Variants in MGAT5 observed in about 807,000 individuals in gnomAD.
MGAT5 encodes alpha-1,6-mannosylglycoprotein 6-beta-N-acetylglucosaminyltransferase A.
A neutral mutation model predicts 94.3 loss-of-function variants in MGAT5; 30 were observed. The ratio of observed to expected loss-of-function variants is 0.32; its 90% CI spans 0.24 to 0.43. MGAT5 has a LOEUF of 0.43. MGAT5 is among the 20% of genes least tolerant of loss of function. The pLI is 1.00. For missense variants in MGAT5, 691 were observed against 905.5 expected (o/e 0.76, Z 3.04); for synonymous variants, 310 against 322.9 (o/e 0.96, Z 0.43).
intron 9 of MGAT5, among the ~76,000 whole-genome samples, chr2:134,356,729 C>T (rs937382831): frequency 6.6e-6 from 1 of 152,138 alleles, no homozygotes; most frequent in Non-Finnish European, 1.5e-5. Context: ...GCTCATTTCT[C>T]TCTACTTCCT....
intron 14 of MGAT5, among the ~76,000 whole-genome samples, chr2:134,440,932 T>C (rs991940379): frequency 3.3e-5 from 5 of 152,268 alleles, no homozygotes; most frequent in Non-Finnish European, 5.9e-5. Flanking sequence ...ATAGCTCACA[T>C]TTGTTTCAAT....
intron 1 of MGAT5, among the ~76,000 whole-genome samples, chr2:134,189,592 G>GTTTTTTTTTGTTTTTTT (rs1689221237): frequency 8.9e-5 from 5 of 56,314 alleles, no homozygotes; most frequent in East Asian, 4.8e-4. Context: ...CATGGCTCTA[G>GTTTTTTTTTGTTTTTTT]TTTTTTTTTG....
intron 1 of MGAT5, among the ~76,000 whole-genome samples, chr2:134,180,541 G>A (rs1290764684): frequency 3.9e-5 from 6 of 152,176 alleles, no homozygotes; most frequent in Admixed American, 3.9e-4. Context: ...TGAGGTCTTG[G>A]AAGGCTGTGA....
At chr2:134,259,151 G>C (rs1191061808) in intron 1 of MGAT5, among the ~76,000 whole-genome samples, 1 of 152,222 alleles carries the variant, frequency 6.6e-6, no homozygotes, top group African/African-American at 2.4e-5. Context: ...GCTTTTCTGT[G>C]TATTAACTCT....
intron 2 of MGAT5, among the ~76,000 whole-genome samples, chr2:134,276,453 T>C (rs1684381653): frequency 6.6e-6 from 1 of 152,204 alleles, no homozygotes; most frequent in South Asian, 2.1e-4. Context: ...TTCTTTGTTA[T>C]TTTAAGCAAA....
chr2:134,261,265 A>G (rs1447601119), intron 1 of MGAT5, among the ~76,000 whole-genome samples: 1 of 152,110 alleles, frequency 6.6e-6, no homozygotes, highest in African/African-American at 2.4e-5. Flanking sequence ...TGAGGCTTAG[A>G]ATGTCCCTTG....
At chr2:134,328,085 T>C (rs1687748957) in intron 4 of MGAT5, among the ~76,000 whole-genome samples, 1 of 152,110 alleles carries the variant, frequency 6.6e-6, no homozygotes, top group Non-Finnish European at 1.5e-5. Flanking sequence ...CTGCTTCTCA[T>C]GTATAAGGGA....
intron 15 of MGAT5, among the ~76,000 whole-genome samples, chr2:134,446,517 G>A (rs1685785610): frequency 1.3e-5 from 2 of 152,156 alleles, no homozygotes; most frequent in South Asian, 4.1e-4. Flanking sequence ...TTGAGTTCCA[G>A]ATATTTTTCT....
At chr2:134,329,264 T>C (rs2105945231) in intron 4 of MGAT5, among the ~76,000 whole-genome samples, 1 of 152,136 alleles carries the variant, frequency 6.6e-6, no homozygotes, top group Admixed American at 6.5e-5. Flanking sequence ...TTCTATAAGA[T>C]CTTGGTATAA....
rs544757045 is a variant in MGAT5, at chr2:134,434,890, C to T, written c.1869+6451C>T. On this transcript the variant is annotated intron_variant, in intron 14 of 15. Transcript: ENST00000281923. ...GAACCTCTGAGTCCAGGGACTGTGTCTCCTTCATGTTTATATTTCCAGCAC... is the reference window on the plus strand; with the variant it reads ...GAACCTCTGAGTCCAGGGACTGTGTTTCCTTCATGTTTATATTTCCAGCAC... Among the ~76,000 whole-genome samples the T allele has an allele frequency of 2.6e-5, 4 of 152,282 alleles. No homozygotes were observed. In the South Asian group the frequency reaches 6.2e-4, roughly 24 times the overall value.
At chr2:134,170,848 C>A (rs980990094) in intron 1 of MGAT5, among the ~76,000 whole-genome samples, 2 of 146,716 alleles carry the variant, frequency 1.4e-5, no homozygotes, top group Non-Finnish European at 3.0e-5. Flanking sequence ...AGATATAGAT[C>A]TCTACTCTTT....
intron 9 of MGAT5, among the ~76,000 whole-genome samples, chr2:134,358,904 C>T (rs1679916348): frequency 6.6e-6 from 1 of 152,136 alleles, no homozygotes; most frequent in Non-Finnish European, 1.5e-5. Flanking sequence ...AAACATTTGT[C>T]ATTGAGTGAA....
Position 134,399,732 on chromosome 2 carries a change from T to A in MGAT5, c.1381-3256T>A, listed in dbSNP as rs149601708. 3.3e-5 allele frequency among the ~76,000 whole-genome samples: 5 copies of A among 152,304 alleles called. No individual in the cohort carries two copies. The East Asian group carries it at 9.6e-4, about 29-fold the overall frequency. On this transcript the variant is annotated intron_variant, in intron 10 of 15. Coordinates refer to ENST00000281923, the MANE Select transcript of MGAT5 (RefSeq NM_002410.5). The stretch of plus-strand genomic sequence containing the variant: ...CTTAAGTTGGAGAAGGAAAGCTTTC[T>A]AAGAAGTGATCTCGATCCAGTTCTT...
At chr2:134,222,987 T>C (rs1680865701) in intron 1 of MGAT5, among the ~76,000 whole-genome samples, 1 of 152,062 alleles carries the variant, frequency 6.6e-6, no homozygotes, top group South Asian at 2.1e-4. Flanking sequence ...TAATTAAAAA[T>C]ATGTATATTA....
chr2:134,366,498 C>T (rs1259871297), intron 10 of MGAT5, among the ~76,000 whole-genome samples: 1 of 152,152 alleles, frequency 6.6e-6, no homozygotes, highest in Non-Finnish European at 1.5e-5. Flanking sequence ...TTGACCACGT[C>T]AGGAGAACAA....
At chr2:134,176,976 G>C (rs1471569469) in intron 1 of MGAT5, among the ~76,000 whole-genome samples, 1 of 152,176 alleles carries the variant, frequency 6.6e-6, no homozygotes, top group African/African-American at 2.4e-5. Context: ...CCAGGAACAG[G>C]TGCTTGTTTC....
chr2:134,251,681 C>T (rs559482015), upstream of MGAT5, among the ~76,000 whole-genome samples: 5 of 152,274 alleles, frequency 3.3e-5, no homozygotes, highest in Admixed American at 2.6e-4. Flanking sequence ...ATGTGAGATT[C>T]AATCCACATA....
At chr2:134,171,502 A>G (rs1039248134) in intron 1 of MGAT5, among the ~76,000 whole-genome samples, 3 of 152,154 alleles carry the variant, frequency 2.0e-5, no homozygotes, top group Admixed American at 2.0e-4. Flanking sequence ...TAATGGATGG[A>G]TTTGGATCCT....
intron 2 of MGAT5, among the ~76,000 whole-genome samples, chr2:134,309,106 C>T (rs1180257154): frequency 1.3e-5 from 2 of 152,180 alleles, no homozygotes; most frequent in African/African-American, 4.8e-5. Context: ...TGGTTGCTTT[C>T]ATCTAGCATA....
Sources: allele counts gnomAD v4.1 joint callset (sites outside exome capture counted in the v4.1 genomes callset), GRCh38; gene constraint gnomAD v4.1.1; transcripts MANE v1.5; gene names NCBI Gene and HGNC (gene_info 2026-07-23, HGNC 2026-07-21).